The following CNTNAP5 variants were observed in gnomAD, a reference collection of about 807,000 sequenced individuals.
CNTNAP5 encodes contactin associated protein family member 5.
In CNTNAP5, 72 loss-of-function variants were observed where a neutral mutation model predicts 150.2. That is an observed-to-expected ratio of 0.48 (90% CI 0.40 to 0.58). The LOEUF (loss-of-function observed/expected upper bound fraction) is 0.58. Among genes scored for constraint, CNTNAP5 ranks in the 20% least tolerant of loss-of-function variants. The pLI is 0.00. For synonymous variants in CNTNAP5, 672 were observed against 619.8 expected (o/e 1.08, Z -1.25); for missense variants, 1,636 against 1,626.2 (o/e 1.01, Z -0.10).
intron 1 of CNTNAP5, among the ~76,000 whole-genome samples, chr2:124,028,962 G>A (rs1329296697): frequency 6.6e-6 from 1 of 152,084 alleles, no homozygotes; most frequent in Non-Finnish European, 1.5e-5. Context: ...GAAGATAGCA[G>A]GAATACATGG....
In CNTNAP5 at chr2:124,798,784, C is replaced by G. The variant is rs112883721; in HGVS notation, c.3217+464C>G. Among the ~76,000 whole-genome samples the G allele has an allele frequency of 2.3e-3, 352 of 152,190 alleles. 1 individual carries two copies. Among genetic ancestry groups the G allele is most frequent in the Non-Finnish European group, 3.4e-3 (233 of 68,008 alleles). On this transcript the variant is annotated intron_variant, in intron 19 of 23. Transcript: ENST00000682447. The stretch of plus-strand genomic sequence containing the variant: ...AGAGAGAAGTAGTTAGTATATGAGT[C>G]ATAACCTTGGGGAATAGGTGGCTTG...
chr2:124,396,570 T>C (rs1261818955), intron 3 of CNTNAP5, among the ~76,000 whole-genome samples: 2 of 152,342 alleles, frequency 1.3e-5, no homozygotes, highest in East Asian at 3.9e-4. Context: ...TTTTCTCCTT[T>C]GTAAACAATT....
chr2:124,164,979 A>G (rs1197376487), intron 1 of CNTNAP5, among the ~76,000 whole-genome samples: 2 of 152,162 alleles, frequency 1.3e-5, no homozygotes, highest in Non-Finnish European at 2.9e-5. Context: ...GAGCAGGTAG[A>G]ACACAAGCCC....
intron 1 of CNTNAP5, among the ~76,000 whole-genome samples, chr2:124,156,119 G>A (rs1299075077): frequency 1.3e-5 from 2 of 152,218 alleles, no homozygotes; most frequent in Admixed American, 6.5e-5. Context: ...GAGTTGACAG[G>A]TAATCTTGAT....
intron 3 of CNTNAP5, among the ~76,000 whole-genome samples, chr2:124,410,577 A>G (rs1176853336): frequency 6.9e-6 from 1 of 145,894 alleles, no homozygotes; most frequent in Non-Finnish European, 1.5e-5. Context: ...TAAGAATCTC[A>G]CTCAAAACCG....
At chr2:124,370,155 A>G (rs923013331) in intron 3 of CNTNAP5, among the ~76,000 whole-genome samples, 13 of 152,226 alleles carry the variant, frequency 8.5e-5, no homozygotes, top group African/African-American at 3.1e-4. Context: ...AGGGATTCAA[A>G]CAATTATCAA....
intron 6 of CNTNAP5, among the ~76,000 whole-genome samples, chr2:124,451,029 T>TAAAA (rs1156744323): frequency 0.062 from 1,228 of 19,946 alleles, 203 homozygotes; most frequent in Non-Finnish European, 0.081. Flanking sequence ...CCATGTCTCT[T>TAAAA]AAAAAAAAAA....
At chr2:124,238,740 C>A (rs1686811923) in intron 2 of CNTNAP5, among the ~76,000 whole-genome samples, 1 of 152,094 alleles carries the variant, frequency 6.6e-6, no homozygotes, top group Middle Eastern at 3.2e-3. Flanking sequence ...TATGTTATAC[C>A]CCCAATTTAG....
At chr2:124,635,652 G>A (rs1677956055) in intron 12 of CNTNAP5, among the ~76,000 whole-genome samples, 1 of 152,188 alleles carries the variant, frequency 6.6e-6, no homozygotes, top group South Asian at 2.1e-4. Flanking sequence ...CTCCCAGAAA[G>A]CCTGCTTGCT....
chr2:124,428,240 T>A (rs932657361), intron 4 of CNTNAP5, among the ~76,000 whole-genome samples: 4 of 152,106 alleles, frequency 2.6e-5, no homozygotes, highest in Non-Finnish European at 4.4e-5. Context: ...TGGAGAAACA[T>A]TGACCCTGCC....
At chr2:124,658,205 G>A (rs1004897143) in intron 13 of CNTNAP5, among the ~76,000 whole-genome samples, 1 of 152,156 alleles carries the variant, frequency 6.6e-6, no homozygotes. Context: ...ACCCTGGTGG[G>A]AGGAGAGCAA....
chr2:124,528,503 T>C (rs1456208745), intron 10 of CNTNAP5, among the ~76,000 whole-genome samples: 1 of 152,216 alleles, frequency 6.6e-6, no homozygotes, highest in Non-Finnish European at 1.5e-5. Flanking sequence ...TTCAAAATAC[T>C]TTTTTGGCAT....
intron 1 of CNTNAP5, among the ~76,000 whole-genome samples, chr2:124,129,831 G>T (rs116322064): frequency 1.1e-3 from 162 of 152,250 alleles, no homozygotes; most frequent in African/African-American, 3.8e-3. Context: ...TTTTCCTGAC[G>T]GATGTTGGAG....
intron 13 of CNTNAP5, among the ~76,000 whole-genome samples, chr2:124,734,304 C>T (rs1680336475): frequency 6.6e-6 from 1 of 152,030 alleles, no homozygotes; most frequent in South Asian, 2.1e-4. Context: ...TTATCATCTT[C>T]CCATGGAAAC....
At chr2:124,381,706 C>T (rs962087209) in intron 3 of CNTNAP5, among the ~76,000 whole-genome samples, 18 of 152,080 alleles carry the variant, frequency 1.2e-4, no homozygotes, top group Middle Eastern at 3.4e-3. Context: ...TGGGAGAGGT[C>T]GAGCGGGACC....
intron 1 of CNTNAP5, among the ~76,000 whole-genome samples, chr2:124,176,326 T>C (rs975575104): frequency 6.6e-6 from 1 of 152,224 alleles, no homozygotes; most frequent in Admixed American, 6.5e-5. Flanking sequence ...GAAAGCCATT[T>C]ACTGAACTTG....
intron 3 of CNTNAP5, among the ~76,000 whole-genome samples, chr2:124,378,031 T>TA (rs1362077651): frequency 6.6e-6 from 1 of 152,096 alleles, no homozygotes; most frequent in East Asian, 1.9e-4. Context: ...AACTTCTACT[T>TA]ACTGTGTACT....
At chr2:124,150,289 T>C (rs1684374624) in intron 1 of CNTNAP5, among the ~76,000 whole-genome samples, 1 of 152,224 alleles carries the variant, frequency 6.6e-6, no homozygotes, top group Non-Finnish European at 1.5e-5. Flanking sequence ...GTTCCAAACA[T>C]GCCCAAGGTG....
chr2:124,505,168 T>G (rs1285657427), intron 8 of CNTNAP5, among the ~76,000 whole-genome samples: 5 of 152,236 alleles, frequency 3.3e-5, no homozygotes, highest in Non-Finnish European at 5.9e-5. Context: ...CTAGACCATT[T>G]ATAGAACTCT....
Sources: allele counts gnomAD v4.1 joint callset (sites outside exome capture counted in the v4.1 genomes callset), GRCh38; gene constraint gnomAD v4.1.1; transcripts MANE v1.5; gene names NCBI Gene and HGNC (gene_info 2026-07-23, HGNC 2026-07-21).